Variants in EML4 observed in about 807,000 individuals in gnomAD.
The protein encoded by EML4 is EMAP like 4, also known as echinoderm microtubule-associated protein-like 4.
A neutral mutation model predicts 129.0 loss-of-function variants in EML4; 72 were observed. The observed-to-expected ratio is 0.56, with a 90% confidence interval of 0.46 to 0.68. EML4 has a LOEUF of 0.68. Among genes scored for constraint, EML4 ranks in the 30% least tolerant of loss-of-function variants. EML4 has a pLI of 0.00. For missense variants in EML4, 1,363 were observed against 1,190.6 expected, an observed-to-expected ratio of 1.14 and a Z score of -2.13; for synonymous variants, 532 against 405.0, an observed-to-expected ratio of 1.31 and a Z score of -3.77.
intron 1 of EML4, among the ~76,000 whole-genome samples, chr2:42,234,805 T>A (rs958991402): frequency 6.6e-6 from 1 of 152,190 alleles, no homozygotes; most frequent in African/African-American, 2.4e-5. Flanking sequence ...CATCAGAAAT[T>A]GTATAATTAA....
At chr2:42,282,086 CT>C (rs1452709009) in intron 7 of EML4, among the ~76,000 whole-genome samples, 2 of 152,088 alleles carry the variant, frequency 1.3e-5, no homozygotes, top group Admixed American at 6.6e-5. Flanking sequence ...CCTTCTCTCT[CT>C]TTTTCTCTCC....
intron 1 of EML4, among the ~76,000 whole-genome samples, chr2:42,176,982 CG>C (rs1205902823): frequency 1.3e-5 from 2 of 151,914 alleles, no homozygotes; most frequent in African/African-American, 4.8e-5. Flanking sequence ...TTAGTAGAGA[CG>C]GGTTTCACCA....
At chr2:42,326,500 C>T (rs1572765514) in intron 21 of EML4, among the ~76,000 whole-genome samples, 1 of 152,150 alleles carries the variant, frequency 6.6e-6, no homozygotes, top group Non-Finnish European at 1.5e-5. Flanking sequence ...ATTACCTTCC[C>T]GTTTTTCTTT....
chr2:42,176,371 T>A (rs6721443), intron 1 of EML4, among the ~76,000 whole-genome samples: 112,917 of 152,108 alleles, frequency 0.74, 42,952 homozygotes, highest in African/African-American at 0.9. Context: ...CCCTCAGATT[T>A]ATCTTCCTAA....
At chr2:42,208,814 CAGAA>C (rs1222126872) in intron 1 of EML4, among the ~76,000 whole-genome samples, 3 of 148,850 alleles carry the variant, frequency 2.0e-5, no homozygotes, top group East Asian at 2.0e-4. Context: ...TTTTCAGACA[CAGAA>C]AGCCACATAG....
At chr2:42,219,459 C>T (rs140386544) in intron 1 of EML4, among the ~76,000 whole-genome samples, 1 of 152,054 alleles carries the variant, frequency 6.6e-6, no homozygotes, top group East Asian at 1.9e-4. Context: ...AAAAGGTCTA[C>T]CTGAAGTTCT....
intron 6 of EML4, among the ~76,000 whole-genome samples, chr2:42,271,542 CA>C (rs1666367464): frequency 6.6e-6 from 1 of 152,170 alleles, no homozygotes; most frequent in African/African-American, 2.4e-5. Flanking sequence ...CTTCTAAGAA[CA>C]TGTTCTTGAC....
At chr2:42,304,620 C>A in intron 17 of EML4, 69 bp downstream of exon 17, 1 of 1,155,480 alleles carries the variant, frequency 8.7e-7, no homozygotes, top group South Asian at 1.2e-5. Flanking sequence ...GGAATGTTCT[C>A]AATCTGATCT....
chr2:42,205,541 A>G (rs1042391528), intron 1 of EML4, among the ~76,000 whole-genome samples: 3 of 152,292 alleles, frequency 2.0e-5, no homozygotes, highest in South Asian at 2.1e-4. Context: ...CACTCAATAA[A>G]TGTTTGCTCT....
chr2:42,245,084 A>ATTTTTTTTTTTTTTTTTTTTTTT, intron 1 of EML4, among the ~76,000 whole-genome samples: 1 of 58,534 alleles, frequency 1.7e-5, no homozygotes, highest in Admixed American at 2.4e-4. Flanking sequence ...TTTGTTTTGA[A>ATTTTTTTTTTTTTTTTTTTTTTT]ATTTTCTTTC....
intron 1 of EML4, among the ~76,000 whole-genome samples, chr2:42,185,934 G>T (rs1249542828): frequency 6.6e-6 from 1 of 152,078 alleles, no homozygotes; most frequent in Non-Finnish European, 1.5e-5. Context: ...TTTAAAATTA[G>T]AGGAAAAATC....
In EML4 at chr2:42,331,933, GT is replaced by G. The variant is rs1670124365; in HGVS notation, c.*1728del. Reference sequence around the variant, plus strand: ...TATATCTTTCCTTTTGTTTACAACTGTTAAAAAACCTCAAAATAGTTCTCTT... The same window carrying G: ...TATATCTTTCCTTTTGTTTACAACTGTAAAAAACCTCAAAATAGTTCTCTT... On this transcript the variant is annotated 3_prime_UTR_variant, in exon 23 of 23. Transcript: ENST00000318522. The G allele has an allele frequency of 4.6e-6, 1 of 217,510 alleles. No individual in the cohort carries two copies. Among genetic ancestry groups the G allele is most frequent in the Non-Finnish European group, 9.3e-6 (1 of 107,972 alleles). 13.5% of individuals were successfully genotyped at this position (217,510 alleles called of 1,614,324 possible).
intron 1 of EML4, among the ~76,000 whole-genome samples, chr2:42,193,843 A>G (rs572956600): frequency 6.6e-6 from 1 of 151,906 alleles, no homozygotes; most frequent in East Asian, 1.9e-4. Flanking sequence ...GCACCACCAT[A>G]CCCAGCTAGT....
At chr2:42,184,941 C>T (rs923981723) in intron 1 of EML4, among the ~76,000 whole-genome samples, 7 of 152,140 alleles carry the variant, frequency 4.6e-5, no homozygotes, top group Middle Eastern at 3.2e-3. Flanking sequence ...AGTGCCTAAC[C>T]GCTTTGGCCG....
chr2:42,188,909 C>A (rs961641961), intron 1 of EML4, among the ~76,000 whole-genome samples: 2 of 152,158 alleles, frequency 1.3e-5, no homozygotes, highest in Non-Finnish European at 2.9e-5. Flanking sequence ...GCAGGAGGAT[C>A]GCTTGAGCCC....
chr2:42,255,364 C>CA, intron 2 of EML4, among the ~76,000 whole-genome samples: 1 of 152,208 alleles, frequency 6.6e-6, no homozygotes, highest in Non-Finnish European at 1.5e-5. Flanking sequence ...GGATTACAGG[C>CA]TGAGCCACCG....
In EML4 at chr2:42,209,939, AAAACAAAC is replaced by A. The variant is rs139230774; in HGVS notation, c.26-35550_26-35543del. On this transcript the variant is annotated intron_variant, in intron 1 of 22. Transcript: ENST00000318522. ...GGCAAAACTCAGTCTCAAAACCAAA[AAAACAAAC>A]AAACAAACAAACAAAAAAACCAATA... Among the ~76,000 whole-genome samples the A allele has an allele frequency of 4.0e-5, 6 of 151,826 alleles. No homozygotes were observed. The East Asian group carries it at 5.8e-4, about 15-fold the overall frequency.
At chr2:42,219,139 AATTG>A (rs1350139885) in intron 1 of EML4, among the ~76,000 whole-genome samples, 1 of 152,220 alleles carries the variant, frequency 6.6e-6, no homozygotes, top group Non-Finnish European at 1.5e-5. Context: ...GTAGACCTTT[AATTG>A]ATTAATTGTA....
At chr2:42,279,149 G>GATGT in intron 6 of EML4, among the ~76,000 whole-genome samples, 2 of 152,150 alleles carry the variant, frequency 1.3e-5, no homozygotes, top group East Asian at 3.9e-4. Flanking sequence ...ATTATTGCAA[G>GATGT]ATGTGTGTGT....
Sources: allele counts gnomAD v4.1 joint callset (sites outside exome capture counted in the v4.1 genomes callset), GRCh38; gene constraint gnomAD v4.1.1; transcripts MANE v1.5; gene names NCBI Gene and HGNC (gene_info 2026-07-23, HGNC 2026-07-21).